EPHB1: variants seen among roughly 807,000 people sequenced by gnomAD.
EPHB1 encodes the protein ephrin type-B receptor 1.
EPHB1 carries 30 observed loss-of-function variants against 94.4 expected under a neutral mutation model. The ratio of observed to expected loss-of-function variants is 0.32; its 90% CI spans 0.24 to 0.43. The LOEUF (loss-of-function observed/expected upper bound fraction) is 0.43, where lower values mean the gene tolerates loss of function less well. EPHB1 is among the 20% of genes least tolerant of loss of function. EPHB1 has a pLI of 1.00. For synonymous variants in EPHB1, 522 were observed against 489.1 expected (o/e 1.07, Z -0.89); for missense variants, 1,055 against 1,308.3 (o/e 0.81, Z 2.99).
chr3:134,819,742 C>A (rs577990218), intron 1 of EPHB1, among the ~76,000 whole-genome samples: 4 of 152,116 alleles, frequency 2.6e-5, no homozygotes, highest in Non-Finnish European at 5.9e-5. Context: ...AGGTAGTTGC[C>A]CTTGGATCTT....
Position 134,902,715 on chromosome 3 carries a change from G to A in EPHB1, c.59-23101G>A, listed in dbSNP as rs74484085. Among the ~76,000 whole-genome samples, 132 of 152,252 alleles carry A rather than the reference G, an allele frequency of 8.7e-4. 3 individuals are homozygous for A. The East Asian group carries it at 0.024, about 28-fold the overall frequency. On this transcript the variant is annotated intron_variant, in intron 1 of 15. Transcript: ENST00000398015. ...TATTTGATATTTTTGCCAATTTCTT[G>A]TCATATCTGATTAGATTATCCTAGT...
At chr3:135,185,501 G>A (rs533227704) in intron 10 of EPHB1, among the ~76,000 whole-genome samples, 183 of 152,322 alleles carry the variant, frequency 1.2e-3, no homozygotes, top group African/African-American at 4.1e-3. Context: ...CACAAGCATC[G>A]TCTTATTTAA....
At chr3:135,203,960 CATTTTTAAATTTCA>C (rs1408615617) in intron 12 of EPHB1, among the ~76,000 whole-genome samples, 1 of 152,222 alleles carries the variant, frequency 6.6e-6, no homozygotes, top group East Asian at 1.9e-4. Flanking sequence ...AATGATGCCT[CATTTTTAAATTTCA>C]CATATGTCTA....
At chr3:134,813,253 CTG>C (rs1344566322) in intron 1 of EPHB1, among the ~76,000 whole-genome samples, 2 of 152,152 alleles carry the variant, frequency 1.3e-5, no homozygotes, top group East Asian at 3.9e-4. Flanking sequence ...TTGTGCTACT[CTG>C]TGTTTATTTC....
At chr3:135,126,981 A>G (rs1362704496) in intron 4 of EPHB1, among the ~76,000 whole-genome samples, 2 of 152,160 alleles carry the variant, frequency 1.3e-5, no homozygotes, top group East Asian at 1.9e-4. Flanking sequence ...GACAATACAA[A>G]TACTACTACT....
At position 135,192,667 on chromosome 3, in the gene EPHB1, G is replaced by A. The variant is rs534215366; in HGVS notation, c.1974G>A (p.Ser658=). The A allele has an allele frequency of 2.6e-4, 412 of 1,614,176 alleles. 4 individuals are homozygous for A. The South Asian group carries it at 3.8e-3, about 15-fold the overall frequency. ...TCAAGACCCTGAAGGCAGGGTACTCGGAGAAGCAGCGTCGGGACTTTCTGA... is the reference window on the plus strand; with the variant it reads ...TCAAGACCCTGAAGGCAGGGTACTCAGAGAAGCAGCGTCGGGACTTTCTGA... ...VAIKTLKAGY[S]EKQRRDFLSE... The change falls in exon 11 of 16, where the codon TCG becomes TCA. Residue 658 remains serine, a synonymous_variant. Transcript: ENST00000398015.
intron 6 of EPHB1, among the ~76,000 whole-genome samples, chr3:135,159,762 A>G (rs966466097): frequency 1.3e-5 from 2 of 152,074 alleles, no homozygotes; most frequent in Non-Finnish European, 2.9e-5. Flanking sequence ...CCTCTTTGTA[A>G]CTTTCAACTG....
chr3:135,027,700 C>T (rs997018998), intron 3 of EPHB1, among the ~76,000 whole-genome samples: 1 of 150,184 alleles, frequency 6.7e-6, no homozygotes, highest in African/African-American at 2.4e-5. Flanking sequence ...TTGGTTGTGT[C>T]TCTGCCCGGC....
chr3:134,802,050 T>G (rs2035944195), intron 1 of EPHB1, among the ~76,000 whole-genome samples: 1 of 152,128 alleles, frequency 6.6e-6, no homozygotes, highest in South Asian at 2.1e-4. Flanking sequence ...GTTTTCTCAT[T>G]GTTAAATAGA....
chr3:135,198,429 T>C (rs751039284), intron 11 of EPHB1, among the ~76,000 whole-genome samples: 3 of 152,246 alleles, frequency 2.0e-5, no homozygotes, highest in Non-Finnish European at 4.4e-5. Context: ...AAAAGTCAAG[T>C]GATGGATGCT....
intron 1 of EPHB1, among the ~76,000 whole-genome samples, chr3:134,903,800 G>C (rs1180697454): frequency 6.6e-6 from 1 of 152,142 alleles, no homozygotes; most frequent in Non-Finnish European, 1.5e-5. Flanking sequence ...AAAATTGCTT[G>C]GTGTTCTAAA....
intron 1 of EPHB1, among the ~76,000 whole-genome samples, chr3:134,882,788 T>TTC (rs1553861927): frequency 6.6e-4 from 46 of 69,210 alleles, no homozygotes; most frequent in African/African-American, 2.0e-3. Flanking sequence ...CTTTCTTTCT[T>TTC]TCTTTCTTTC....
At chr3:135,065,228 A>G (rs994338515) in intron 3 of EPHB1, among the ~76,000 whole-genome samples, 1 of 152,134 alleles carries the variant, frequency 6.6e-6, no homozygotes, top group Non-Finnish European at 1.5e-5. Context: ...ATTTGCTCCA[A>G]GTGAATAGTT....
intron 3 of EPHB1, among the ~76,000 whole-genome samples, chr3:135,082,250 T>C (rs1356009526): frequency 6.6e-6 from 1 of 152,128 alleles, no homozygotes; most frequent in Non-Finnish European, 1.5e-5. Context: ...GTTCAACAAG[T>C]ACTTGAAATA....
At position 134,998,152 on chromosome 3, in the gene EPHB1, T is replaced by G. The variant is rs1054006637; in HGVS notation, c.805+46100T>G. On this transcript the variant is annotated intron_variant, in intron 3 of 15. Transcript: ENST00000398015. ...GCATCTGGTTCTTCAGTTCTTCTGG[T>G]CTGATGCAATATGTGAAAAATACAG... Among the ~76,000 whole-genome samples, 6 of 152,340 alleles carry G rather than the reference T, an allele frequency of 3.9e-5. No individual in the cohort carries two copies. In the South Asian group the frequency reaches 8.3e-4, roughly 21 times the overall value.
At chr3:134,827,782 C>T (rs545339162) in intron 1 of EPHB1, among the ~76,000 whole-genome samples, 1 of 152,220 alleles carries the variant, frequency 6.6e-6, no homozygotes, top group Non-Finnish European at 1.5e-5. Flanking sequence ...GGTGAAATTG[C>T]AAATCAAGAG....
chr3:134,978,471 C>T (rs958784483), intron 3 of EPHB1, among the ~76,000 whole-genome samples: 30 of 152,188 alleles, frequency 2.0e-4, no homozygotes, highest in African/African-American at 6.8e-4. Context: ...TCTCCTGCAG[C>T]CCCACTTTAA....
At chr3:134,854,954 T>C (rs2037079784) in intron 1 of EPHB1, among the ~76,000 whole-genome samples, 1 of 152,188 alleles carries the variant, frequency 6.6e-6, no homozygotes, top group Non-Finnish European at 1.5e-5. Context: ...GCCCACTCCT[T>C]GGGACAATCT....
At chr3:135,030,589 C>G (rs1314423119) in intron 3 of EPHB1, among the ~76,000 whole-genome samples, 1 of 152,234 alleles carries the variant, frequency 6.6e-6, no homozygotes, top group Non-Finnish European at 1.5e-5. Context: ...GTTCTCAGAT[C>G]TCCAGCTGCG....
Sources: gnomAD v4.1 joint callset for allele counts (sites outside exome capture counted in the v4.1 genomes callset) on GRCh38, gnomAD v4.1.1 for gene constraint, MANE v1.5 for transcripts, NCBI Gene and HGNC (gene_info 2026-07-23, HGNC 2026-07-21) for gene names.